TAFA2: variants seen among roughly 807,000 people sequenced by gnomAD.
TAFA2 encodes the protein TAFA chemokine like family member 2.
A neutral mutation model predicts 18.8 loss-of-function variants in TAFA2; 7 were observed. That is an observed-to-expected ratio of 0.37 (90% CI 0.21 to 0.70). The LOEUF (loss-of-function observed/expected upper bound fraction) is 0.70. Among genes scored for constraint, TAFA2 ranks in the 30% least tolerant of loss-of-function variants. The pLI is 0.53. For missense variants in TAFA2, 122 were observed against 158.1 expected, an observed-to-expected ratio of 0.77 and a Z score of 1.23; for synonymous variants, 60 against 54.2, an observed-to-expected ratio of 1.11 and a Z score of -0.47.
chr12:62,092,158 T>C (rs1049839678), intron 1 of TAFA2, among the ~76,000 whole-genome samples: 1 of 151,994 alleles, frequency 6.6e-6, no homozygotes, highest in African/African-American at 2.4e-5. Flanking sequence ...CATCCCCATG[T>C]ACCTACTCAA....
intron 2 of TAFA2, among the ~76,000 whole-genome samples, chr12:61,837,412 G>T (rs1872979133): frequency 6.6e-6 from 1 of 151,842 alleles, no homozygotes. Flanking sequence ...TTAATCTACA[G>T]GTAAAAAGCA....
chr12:62,105,637 A>C (rs939734080), intron 1 of TAFA2, among the ~76,000 whole-genome samples: 1 of 152,240 alleles, frequency 6.6e-6, no homozygotes, highest in African/African-American at 2.4e-5. Flanking sequence ...GAACTTATTT[A>C]GCTGATACAT....
intron 1 of TAFA2, among the ~76,000 whole-genome samples, chr12:62,162,939 T>C (rs2062415493): frequency 6.6e-6 from 1 of 151,674 alleles, no homozygotes; most frequent in African/African-American, 2.4e-5. Flanking sequence ...GGAAGATTTA[T>C]CCAAAGGCAT....
At chr12:62,255,993 G>A (rs1565789598) in intron 1 of TAFA2, among the ~76,000 whole-genome samples, 1 of 152,098 alleles carries the variant, frequency 6.6e-6, no homozygotes, top group South Asian at 2.1e-4. Context: ...GGATAGGCCA[G>A]GCACGTGGCT....
At chr12:61,743,166 G>A (rs181090034) in intron 4 of TAFA2, among the ~76,000 whole-genome samples, 75 of 152,082 alleles carry the variant, frequency 4.9e-4, no homozygotes, top group Admixed American at 4.7e-3. Flanking sequence ...TCAATTCCAT[G>A]AGTAAGATAT....
In TAFA2 at chr12:62,008,802, T is replaced by C. The variant is rs554656530; in HGVS notation, c.-1-141376A>G. Among the ~76,000 whole-genome samples the C allele has an allele frequency of 3.3e-5, 5 of 152,296 alleles. No individual in the cohort carries two copies. In the South Asian group the frequency reaches 1.0e-3, roughly 32 times the overall value. On this transcript the variant is annotated intron_variant, in intron 1 of 4. Transcript: ENST00000416284. The stretch of plus-strand genomic sequence containing the variant: ...TGGTGTTTTGACAAATGCCTGACAC[T>C]ATCCATTTTATTGCCAACATTTTAG...
At chr12:62,094,671 C>T (rs1868867937) in intron 1 of TAFA2, among the ~76,000 whole-genome samples, 2 of 151,882 alleles carry the variant, frequency 1.3e-5, no homozygotes, top group South Asian at 4.1e-4. Flanking sequence ...TACTTCTAAA[C>T]ACATTAAGCA....
At chr12:62,112,697 C>A (rs1024780625) in intron 1 of TAFA2, among the ~76,000 whole-genome samples, 1 of 152,000 alleles carries the variant, frequency 6.6e-6, no homozygotes, top group African/African-American at 2.4e-5. Flanking sequence ...ATTCTTTTTT[C>A]TCTAATCTCA....
rs556537997 is a variant in TAFA2 at position 61,822,729 on chromosome 12, T to G, written c.106+44591A>C. Among the ~76,000 whole-genome samples, 62 of 152,270 alleles carry G rather than the reference T, an allele frequency of 4.1e-4. 2 individuals are homozygous for G. The highest frequency in any genetic ancestry group is 3.4e-3 in the Admixed American group (52 of 15,290). The stretch of plus-strand genomic sequence containing the variant: ...TTCCTGCTTTCCAGAGACTAGGAAA[T>G]ACTTAAAACTAAGCCTTGACTTTTG... On this transcript the variant is annotated intron_variant, in intron 2 of 4. Transcript: ENST00000416284.
At position 61,931,891 on chromosome 12, in the gene TAFA2, G is replaced by T. The variant is rs1877570326; in HGVS notation, c.-1-64465C>A. 3.9e-5 allele frequency among the ~76,000 whole-genome samples: 6 copies of T among 151,920 alleles called. No homozygotes were observed. The South Asian group carries it at 1.2e-3, about 32-fold the overall frequency. On this transcript the variant is annotated intron_variant, in intron 1 of 4. Coordinates refer to ENST00000416284, the MANE Select transcript of TAFA2 (RefSeq NM_178539.5). Reference sequence around the variant, plus strand: ...AAGATAATCAAAATTCTATATACAGGGCTCTTACCTGCCTACAAAAATGTA... The same window carrying T: ...AAGATAATCAAAATTCTATATACAGTGCTCTTACCTGCCTACAAAAATGTA...
At chr12:61,825,770 G>T (rs534374387) in intron 2 of TAFA2, among the ~76,000 whole-genome samples, 1 of 151,988 alleles carries the variant, frequency 6.6e-6, no homozygotes, top group South Asian at 2.1e-4. Context: ...TTTGAAAGAC[G>T]CCATAGAAAA....
intron 2 of TAFA2, among the ~76,000 whole-genome samples, chr12:61,847,495 A>T (rs551280036): frequency 6.6e-6 from 1 of 152,346 alleles, no homozygotes; most frequent in African/African-American, 2.4e-5. Flanking sequence ...TCAATTTTGG[A>T]CATGTATACA....
intron 1 of TAFA2, among the ~76,000 whole-genome samples, chr12:61,983,202 A>C (rs1475807105): frequency 6.6e-6 from 1 of 152,144 alleles, no homozygotes; most frequent in Non-Finnish European, 1.5e-5. Context: ...AATATCCTAC[A>C]TCTCCATAAA....
chr12:61,989,372 TC>T (rs1291941618), intron 1 of TAFA2, among the ~76,000 whole-genome samples: 1 of 150,552 alleles, frequency 6.6e-6, no homozygotes, highest in Non-Finnish European at 1.5e-5. Context: ...GAAAAGCTGG[TC>T]CCCCCCACTT....
At chr12:62,002,144 T>C (rs970881055) in intron 1 of TAFA2, among the ~76,000 whole-genome samples, 2 of 152,200 alleles carry the variant, frequency 1.3e-5, no homozygotes, top group African/African-American at 2.4e-5. Context: ...TTAGGTCCTG[T>C]AGTGGCTTAT....
intron 1 of TAFA2, among the ~76,000 whole-genome samples, chr12:61,916,168 A>G (rs1327241793): frequency 6.6e-6 from 1 of 152,188 alleles, no homozygotes; most frequent in Non-Finnish European, 1.5e-5. Flanking sequence ...GTACCTCTTG[A>G]AATTTGAGAT....
At chr12:62,115,206 T>A (rs1205781063) in intron 1 of TAFA2, among the ~76,000 whole-genome samples, 1 of 152,046 alleles carries the variant, frequency 6.6e-6, no homozygotes, top group Non-Finnish European at 1.5e-5. Context: ...AACAGGTCAG[T>A]TATCAAACTG....
At chr12:61,826,263 C>T (rs1451754686) in intron 2 of TAFA2, among the ~76,000 whole-genome samples, 1 of 151,840 alleles carries the variant, frequency 6.6e-6, no homozygotes, top group Non-Finnish European at 1.5e-5. Context: ...CAGTACTACC[C>T]TTTAAAAAAA....
Position 61,762,762 on chromosome 12 carries a change from C to T in TAFA2, c.107-7738G>A, listed in dbSNP as rs568825350. 6.6e-5 allele frequency among the ~76,000 whole-genome samples: 10 copies of T among 151,810 alleles called. No individual in the cohort carries two copies. In the East Asian group the frequency reaches 1.9e-3, roughly 30 times the overall value. ...GCGTCAAGTTGTGAATTTGTTCCTA[C>T]TTGGTTTCCTCTACACTAGATTTCA... On this transcript the variant is annotated intron_variant, in intron 2 of 4. Coordinates refer to ENST00000416284, the MANE Select transcript of TAFA2 (RefSeq NM_178539.5).
Sources: allele counts gnomAD v4.1 joint callset (sites outside exome capture counted in the v4.1 genomes callset), GRCh38; gene constraint gnomAD v4.1.1; transcripts MANE v1.5; gene names NCBI Gene and HGNC (gene_info 2026-07-23, HGNC 2026-07-21).